Variants in RALGPS2 observed in about 807,000 individuals in gnomAD.
RALGPS2 encodes Ral GEF with PH domain and SH3 binding motif 2, also known as ras-specific guanine nucleotide-releasing factor RalGPS2.
Under a neutral mutation model 86.8 loss-of-function variants are expected in RALGPS2, and 43 were observed. That is an observed-to-expected ratio of 0.50 (90% CI 0.39 to 0.64). The LOEUF is 0.64. RALGPS2 is among the 30% of genes least tolerant of loss of function. RALGPS2 has a pLI of 0.00. For missense variants in RALGPS2, 536 were observed against 694.6 expected (o/e 0.77, Z 2.57); for synonymous variants, 243 against 231.3 (o/e 1.05, Z -0.46).
intron 7 of RALGPS2, among the ~76,000 whole-genome samples, chr1:178,831,925 T>C (rs912545843): frequency 2.0e-5 from 3 of 152,206 alleles, no homozygotes; most frequent in African/African-American, 7.2e-5. Flanking sequence ...TAGTTTGTTA[T>C]AACAGTTCTG....
In RALGPS2 at chr1:178,906,685, T is replaced by C. The variant is rs544926637; in HGVS notation, c.1631-91T>C. 7.3e-6 allele frequency: 7 copies of C among 952,748 alleles called. No homozygotes were observed. In the Admixed American group the frequency reaches 1.0e-4, roughly 14 times the overall value. 59.0% of individuals were successfully genotyped at this position (952,748 alleles called of 1,614,324 possible). On this transcript the variant is annotated intron_variant, in intron 18 of 19. Transcript: ENST00000367635. Reference sequence around the variant, plus strand: ...AGAATTCTAAAACTGAAAACTCTAGTCATGTTTAATTTGCTCATTATTATC... The same window carrying C: ...AGAATTCTAAAACTGAAAACTCTAGCCATGTTTAATTTGCTCATTATTATC...
intron 17 of RALGPS2, 87 bp downstream of exon 17, chr1:178,897,843 T>G: frequency 9.0e-7 from 1 of 1,113,128 alleles, no homozygotes; most frequent in Non-Finnish European, 1.3e-6. Flanking sequence ...ATACAAAGGT[T>G]TTTTGGGTTT....
chr1:178,805,659 G>T (rs372586355), intron 4 of RALGPS2, among the ~76,000 whole-genome samples: 3 of 151,834 alleles, frequency 2.0e-5, no homozygotes, highest in Non-Finnish European at 2.9e-5. Flanking sequence ...ACTTTTCCTT[G>T]ATTTTTCTAT....
chr1:178,820,351 A>G (rs1293764414), intron 6 of RALGPS2, among the ~76,000 whole-genome samples: 1 of 152,234 alleles, frequency 6.6e-6, no homozygotes. Flanking sequence ...TTATGAGAGC[A>G]AATCTAGCCT....
At chr1:178,891,494 ATTGT>A (rs1196311376) in intron 14 of RALGPS2, among the ~76,000 whole-genome samples, 28 of 152,108 alleles carry the variant, frequency 1.8e-4, no homozygotes, top group African/African-American at 6.8e-4. Flanking sequence ...CATCAAATAC[ATTGT>A]TTAAGTTGCT....
intron 8 of RALGPS2, chr1:178,865,174 C>T (rs1450099774): frequency 6.2e-7 from 1 of 1,611,822 alleles, no homozygotes; most frequent in Admixed American, 1.7e-5. Flanking sequence ...AAAATATCCT[C>T]AAGCACTGTT....
intron 8 of RALGPS2, among the ~76,000 whole-genome samples, chr1:178,833,943 G>A (rs952556470): frequency 2.0e-5 from 3 of 152,124 alleles, no homozygotes; most frequent in Non-Finnish European, 4.4e-5. Context: ...TAGTCTCAGT[G>A]CATATTGGTA....
chr1:178,746,640 G>A, intron 1 of RALGPS2: 2 of 761,084 alleles, frequency 2.6e-6, no homozygotes, highest in Non-Finnish European at 4.9e-6. Flanking sequence ...GCACATCAAT[G>A]GTTCCAAATT....
intron 1 of RALGPS2, among the ~76,000 whole-genome samples, chr1:178,771,869 TA>T (rs1345780813): frequency 1.3e-5 from 2 of 152,204 alleles, no homozygotes; most frequent in African/African-American, 4.8e-5. Context: ...CATTAAGTAT[TA>T]CAGTATTTTA....
intron 8 of RALGPS2, chr1:178,865,629 C>T (rs1301896831): frequency 1.2e-6 from 2 of 1,613,978 alleles, no homozygotes; most frequent in South Asian, 1.1e-5. Context: ...AATGTGTATG[C>T]ACATTTCTTT....
intron 8 of RALGPS2, among the ~76,000 whole-genome samples, chr1:178,852,088 A>G (rs1304857287): frequency 2.0e-5 from 3 of 152,144 alleles, no homozygotes; most frequent in Non-Finnish European, 4.4e-5. Flanking sequence ...TCCCCCTCAA[A>G]GAAATGCTCT....
Position 178,785,386 on chromosome 1 carries a change from C to A in RALGPS2, c.163-171C>A, listed in dbSNP as rs1212451609. 2.0e-5 allele frequency among the ~76,000 whole-genome samples: 3 copies of A among 151,832 alleles called. No individual in the cohort carries two copies. In the East Asian group the frequency reaches 5.8e-4, roughly 29 times the overall value. ...AAGAAAATATAAATAGACATGAGATCATTAGAAATAATTCTATTTAATGGT... is the reference window on the plus strand; with the variant it reads ...AAGAAAATATAAATAGACATGAGATAATTAGAAATAATTCTATTTAATGGT... On this transcript the variant is annotated intron_variant, in intron 3 of 19. Coordinates refer to ENST00000367635, the MANE Select transcript of RALGPS2 (RefSeq NM_152663.5).
chr1:178,817,741 C>T (rs990915536), intron 6 of RALGPS2, among the ~76,000 whole-genome samples: 4 of 152,144 alleles, frequency 2.6e-5, no homozygotes, highest in Non-Finnish European at 5.9e-5. Context: ...ACTTTCAATC[C>T]ACAAACATGG....
intron 8 of RALGPS2, among the ~76,000 whole-genome samples, chr1:178,856,202 G>GAGAGATATATATATATATATAT (rs1428022812): frequency 8.3e-5 from 7 of 83,908 alleles, no homozygotes; most frequent in African/African-American, 4.5e-4. Context: ...GAGAGAGAGA[G>GAGAGATATATATATATATATAT]ATATATATAT....
At chr1:178,735,306 T>C (rs758555231) in intron 1 of RALGPS2, among the ~76,000 whole-genome samples, 1 of 152,036 alleles carries the variant, frequency 6.6e-6, no homozygotes, top group Non-Finnish European at 1.5e-5. Flanking sequence ...TAGGGCAAGG[T>C]CAAACTCATG....
intron 4 of RALGPS2, among the ~76,000 whole-genome samples, chr1:178,800,560 T>G (rs1654420764): frequency 6.6e-6 from 1 of 152,190 alleles, no homozygotes; most frequent in Admixed American, 6.5e-5. Flanking sequence ...TTCTCTAGCT[T>G]ACTTTACTGT....
chr1:178,898,496 T>G (rs953010321), intron 17 of RALGPS2, among the ~76,000 whole-genome samples: 2 of 151,980 alleles, frequency 1.3e-5, no homozygotes, highest in African/African-American at 4.8e-5. Context: ...TTTTAGCCCT[T>G]TAATCAAACC....
Position 178,918,973 on chromosome 1 carries a change from G to A in RALGPS2, c.*2614G>A, listed in dbSNP as rs1660897583. On this transcript the variant is annotated 3_prime_UTR_variant, in exon 20 of 20. Transcript: ENST00000367635. ...ATTCAGGTCATTTGTTTCACCCTTA[G>A]CCAAGAAGAACTCATTAGAAATTCA... 1 of 151,960 alleles carries A rather than the reference G, an allele frequency of 6.6e-6. No individual in the cohort carries two copies. The highest frequency in any genetic ancestry group is 1.5e-5 in the Non-Finnish European group (1 of 67,912). The allele number at this position is 151,960 out of a possible 1,614,324, so 9.4% of individuals were successfully genotyped here. A position where few individuals can be genotyped will look rare whatever the true frequency, so the allele number is the denominator to read the frequency against.
chr1:178,897,579 G>T, intron 16 of RALGPS2, 85 bp from the exon 17 acceptor site: 1 of 1,111,352 alleles, frequency 9.0e-7, no homozygotes, highest in South Asian at 1.3e-5. Context: ...AAGTGAAGTG[G>T]ACTTGATCAT....
Sources: gnomAD v4.1 joint callset for allele counts (sites outside exome capture counted in the v4.1 genomes callset) on GRCh38, gnomAD v4.1.1 for gene constraint, MANE v1.5 for transcripts, NCBI Gene and HGNC (gene_info 2026-07-23, HGNC 2026-07-21) for gene names.